The following DSCAML1 variants were observed in gnomAD, a reference collection of about 807,000 sequenced individuals.
The protein encoded by DSCAML1 is DS cell adhesion molecule like 1.
DSCAML1 carries 38 observed loss-of-function variants against 200.5 expected under a neutral mutation model. That is an observed-to-expected ratio of 0.19 (90% CI 0.15 to 0.25). The LOEUF (loss-of-function observed/expected upper bound fraction) is 0.25. Among genes scored for constraint, DSCAML1 ranks in the 10% least tolerant of loss-of-function variants. DSCAML1 has a pLI of 1.00. For synonymous variants in DSCAML1, 1,215 were observed against 1,165.0 expected (o/e 1.04, Z -0.87); for missense variants, 2,223 against 2,858.8 (o/e 0.78, Z 5.07).
intron 3 of DSCAML1, among the ~76,000 whole-genome samples, chr11:117,664,677 A>G (rs917787395): frequency 5.9e-5 from 9 of 152,208 alleles, no homozygotes; most frequent in Non-Finnish European, 4.4e-5. Context: ...TTTTTGGTTG[A>G]CGAGTGTTAT....
chr11:117,665,316 A>T (rs1183543151), intron 3 of DSCAML1, among the ~76,000 whole-genome samples: 2 of 152,220 alleles, frequency 1.3e-5, no homozygotes, highest in Non-Finnish European at 2.9e-5. Flanking sequence ...GTCAAAGGAC[A>T]TATCTAAGAT....
At chr11:117,536,323 T>C (rs920643629) in intron 3 of DSCAML1, among the ~76,000 whole-genome samples, 3 of 151,874 alleles carry the variant, frequency 2.0e-5, no homozygotes, top group South Asian at 4.1e-4. Flanking sequence ...CGGGCCAGGG[T>C]TGGACAACAT....
At position 117,472,002 on chromosome 11, in the gene DSCAML1, G is replaced by A; in HGVS notation, c.2820C>T (p.Ile940=). Residue 940 remains isoleucine, a synonymous_variant, in exon 15 of 33, where the codon ATC becomes ATT. Coordinates refer to ENST00000651296, the MANE Select transcript of DSCAML1 (RefSeq NM_020693.4). ...TGTTGGCCTGGTTGATGGTGGGGGA[G>A]ATGTTGCGTGTGGACTGCTTGAAGT... ...SWDFKQSTRN[I]SPTINQANIV... is the part of the protein sequence containing the mutation. 1 of 1,614,186 alleles carries A rather than the reference G, an allele frequency of 6.2e-7. No homozygotes were observed. Among genetic ancestry groups the A allele is most frequent in the Non-Finnish European group, 8.5e-7 (1 of 1,180,026 alleles).
intron 1 of DSCAML1, among the ~76,000 whole-genome samples, chr11:117,796,378 G>A (rs574183667): frequency 3.3e-5 from 5 of 152,240 alleles, no homozygotes; most frequent in Non-Finnish European, 7.3e-5. Flanking sequence ...GCACCAAGCC[G>A]GGGCTAAAGC....
At position 117,780,726 on chromosome 11, in the gene DSCAML1, A is replaced by G. The variant is rs186162781; in HGVS notation, c.131T>C (p.Val44Ala). 73 of 1,571,482 alleles carry G rather than the reference A, an allele frequency of 4.6e-5. 1 individual carries two copies. The African/African-American group carries it at 6.3e-4, about 14-fold the overall frequency. ...GGAGCCCGCGGCCGGGCAGGGCACC[A>G]CCACCCCCACGGAGCTGGAAAAGGT... The part of the protein sequence containing the change: ...QVTFSSSVGV[V>A]VPCPAAGSPS... Residue 44 changes from valine to alanine, a missense_variant, in exon 2 of 33, where the codon GTG becomes GCG. Physicochemically the swap from Val to Ala is moderately conservative, Grantham distance 64. Around this residue, in one of 7 missense-constraint regions of DSCAML1, gnomAD observed 579 missense variants for 721.5 expected, o/e 0.80. Transcript: ENST00000651296. This position sits in a 1 kb window ranked among gnomAD's most constrained non-coding sequence, Gnocchi z 4.8.
At chr11:117,664,752 A>G (rs561112147) in intron 3 of DSCAML1, among the ~76,000 whole-genome samples, 2 of 152,304 alleles carry the variant, frequency 1.3e-5, no homozygotes, top group Admixed American at 6.5e-5. Context: ...ATGACAATAC[A>G]TGGGGAGGCC....
chr11:117,542,491 T>TC (rs2050291497), intron 3 of DSCAML1, among the ~76,000 whole-genome samples: 1 of 152,190 alleles, frequency 6.6e-6, no homozygotes, highest in Admixed American at 6.5e-5. Flanking sequence ...TTTCCACAGC[T>TC]CGGGCCCTTG....
chr11:117,682,763 A>G (rs561413709), intron 3 of DSCAML1, among the ~76,000 whole-genome samples: 1 of 152,312 alleles, frequency 6.6e-6, no homozygotes, highest in African/African-American at 2.4e-5. Context: ...GAGGTGACAG[A>G]GACAGGTACA....
intron 3 of DSCAML1, among the ~76,000 whole-genome samples, chr11:117,656,600 A>G (rs1167601492): frequency 6.6e-6 from 1 of 152,108 alleles, no homozygotes; most frequent in African/African-American, 2.4e-5. Flanking sequence ...TAAGGTAGAC[A>G]TTACTACAAT....
chr11:117,513,067 G>A (rs79233668), intron 8 of DSCAML1, among the ~76,000 whole-genome samples: 288 of 152,212 alleles, frequency 1.9e-3, no homozygotes, highest in African/African-American at 6.4e-3. Flanking sequence ...GAGGGCTGGC[G>A]CAGGGAGTGG....
intron 3 of DSCAML1, among the ~76,000 whole-genome samples, chr11:117,698,296 T>C (rs2053617187): frequency 6.6e-6 from 1 of 152,322 alleles, no homozygotes; most frequent in South Asian, 2.1e-4. Context: ...TGTTTAATAT[T>C]TTGATGAGGA....
intron 3 of DSCAML1, among the ~76,000 whole-genome samples, chr11:117,728,914 T>G (rs1312073654): frequency 2.0e-5 from 3 of 152,200 alleles, no homozygotes; most frequent in African/African-American, 7.2e-5. Context: ...TTCCATAAGC[T>G]GATCTTTAAA....
At chr11:117,467,539 A>G (rs1451296490) in intron 16 of DSCAML1, among the ~76,000 whole-genome samples, 1 of 152,218 alleles carries the variant, frequency 6.6e-6, no homozygotes, top group Non-Finnish European at 1.5e-5. Context: ...AATGTTTTAA[A>G]TGAACTGCAT....
chr11:117,652,368 C>G (rs1449559022), intron 3 of DSCAML1, among the ~76,000 whole-genome samples: 1 of 152,228 alleles, frequency 6.6e-6, no homozygotes, highest in African/African-American at 2.4e-5. Context: ...GAGCAGATGA[C>G]ACTGCCCAGA....
rs140172597 is a variant in DSCAML1, at chr11:117,482,014, C to A, written c.2508G>T (p.Arg836=). ...CGTTGTCCTTGGTGGCGATGGCATACCGCATGACGCGGTCAGGGTCGATGA... is the reference window on the plus strand; with the variant it reads ...CGTTGTCCTTGGTGGCGATGGCATAACGCATGACGCGGTCAGGGTCGATGA... ...DTVIDPDRVM[R]YAIATKDNGD... is the part of the protein sequence containing the mutation. Residue 836 remains arginine, a synonymous_variant, in exon 12 of 33, where the codon CGG becomes CGT. Coordinates refer to ENST00000651296, the MANE Select transcript of DSCAML1 (RefSeq NM_020693.4). 2.2e-4 allele frequency: 361 copies of A among 1,614,180 alleles called. 1 individual carries two copies. Among genetic ancestry groups the A allele is most frequent in the African/African-American group, 1.4e-3 (105 of 75,044 alleles).
At position 117,428,452 on chromosome 11, in the gene DSCAML1, G is replaced by A. The variant is rs1175969682; in HGVS notation, c.6038C>T (p.Ala2013Val). ...PPAPSTEPPRAGGPHTKMGGS... is the reference protein window; with the variant it reads ...PPAPSTEPPRVGGPHTKMGGS... ...CCCCATTTTGGTGTGTGGGCCCCCG[G>A]CTCGTGGAGGCTCGGTGCTGGGGGC... Residue 2013 changes from alanine to valine, a missense_variant, in exon 33 of 33, where the codon GCC becomes GTC. Physicochemically the swap from Ala to Val is moderately conservative, Grantham distance 64. Around this residue, in one of 7 missense-constraint regions of DSCAML1, gnomAD observed 280 missense variants for 213.4 expected, o/e 1.31. Coordinates refer to ENST00000651296, the MANE Select transcript of DSCAML1 (RefSeq NM_020693.4). The A allele has an allele frequency of 2.0e-6, 3 of 1,532,412 alleles. No homozygotes were observed. The highest frequency in any genetic ancestry group is 2.6e-6 in the Non-Finnish European group (3 of 1,141,300). 94.9% of individuals were successfully genotyped at this position (1,532,412 alleles called of 1,614,324 possible).
At chr11:117,654,028 T>TA (rs530755292) in intron 3 of DSCAML1, among the ~76,000 whole-genome samples, 6 of 151,924 alleles carry the variant, frequency 3.9e-5, no homozygotes, top group Admixed American at 2.0e-4. Context: ...CTTTGTTTCT[T>TA]AAAAAAAAGT....
At chr11:117,805,139 A>C (rs1162024487) in intron 1 of DSCAML1, among the ~76,000 whole-genome samples, 1 of 152,190 alleles carries the variant, frequency 6.6e-6, no homozygotes, top group Non-Finnish European at 1.5e-5. Flanking sequence ...TTGGCCTGTA[A>C]TCCTGATGTG....
chr11:117,524,367 G>A (rs1410147147), intron 5 of DSCAML1, among the ~76,000 whole-genome samples: 1 of 152,218 alleles, frequency 6.6e-6, no homozygotes, highest in Non-Finnish European at 1.5e-5. Context: ...GGATTGGGAT[G>A]TATGTCCTCT....
Sources: allele counts gnomAD v4.1 joint callset (sites outside exome capture counted in the v4.1 genomes callset), GRCh38; gene constraint gnomAD v4.1.1; regional missense constraint gnomAD v4.1.1; non-coding constraint Gnocchi (gnomAD v3.1); transcripts MANE v1.5; gene names NCBI Gene and HGNC (gene_info 2026-07-23, HGNC 2026-07-21).